Variants in ZFPM2 observed in about 807,000 individuals in gnomAD.
ZFPM2 encodes zinc finger protein, FOG family member 2, also known as zinc finger protein ZFPM2.
In ZFPM2, 20 loss-of-function variants were observed where a neutral mutation model predicts 98.6. The observed-to-expected ratio is 0.20, with a 90% confidence interval of 0.14 to 0.29. The LOEUF is 0.29. Among genes scored for constraint, ZFPM2 ranks in the 10% least tolerant of loss-of-function variants. ZFPM2 has a pLI of 1.00. For synonymous variants in ZFPM2, 518 were observed against 502.7 expected, an observed-to-expected ratio of 1.03 and a Z score of -0.41; for missense variants, 1,310 against 1,388.6, an observed-to-expected ratio of 0.94 and a Z score of 0.90.
chr8:105,386,802 A>G (rs1001593317), intron 1 of ZFPM2, among the ~76,000 whole-genome samples: 8 of 152,098 alleles, frequency 5.3e-5, no homozygotes, highest in Admixed American at 1.3e-4. Context: ...CAGGGTGCTG[A>G]TTGGTGTGTT....
intron 2 of ZFPM2, among the ~76,000 whole-genome samples, chr8:105,435,391 C>G (rs1812099940): frequency 6.6e-6 from 1 of 151,956 alleles, no homozygotes; most frequent in Admixed American, 6.6e-5. Flanking sequence ...TATGTTTGTG[C>G]TTTGCTGAAA....
intron 5 of ZFPM2, among the ~76,000 whole-genome samples, chr8:105,662,012 G>C (rs1203655307): frequency 6.6e-6 from 1 of 152,140 alleles, no homozygotes; most frequent in South Asian, 2.1e-4. Context: ...TGATACATCC[G>C]TGGATAAAAC....
chr8:105,512,822 T>C (rs1813843691), intron 3 of ZFPM2, among the ~76,000 whole-genome samples: 2 of 152,288 alleles, frequency 1.3e-5, no homozygotes, highest in South Asian at 2.1e-4. Flanking sequence ...ATAGGAAAGA[T>C]AGTACTTGGA....
At position 105,350,130 on chromosome 8, in the gene ZFPM2, T is replaced by A. The variant is rs116388840; in HGVS notation, c.40+31149T>A. On this transcript the variant is annotated intron_variant, in intron 1 of 7. Coordinates refer to ENST00000407775, the MANE Select transcript of ZFPM2 (RefSeq NM_012082.4). The stretch of plus-strand genomic sequence containing the variant: ...TGCAGGAGGAAAGGATAAAGAAAAA[T>A]ATTTTAAATTTGGCATTAGACTTCT... 9.4e-3 allele frequency among the ~76,000 whole-genome samples: 1,434 copies of A among 152,238 alleles called. 20 individuals carry two copies. The highest frequency in any genetic ancestry group is 0.033 in the African/African-American group (1,368 of 41,538).
intron 5 of ZFPM2, among the ~76,000 whole-genome samples, chr8:105,783,210 G>GTTTTTTTT (rs753557703): frequency 1.2e-4 from 11 of 88,916 alleles, no homozygotes; most frequent in Non-Finnish European, 1.7e-4. Context: ...TTTCTTTATG[G>GTTTTTTTT]TTTTTTTTTT....
chr8:105,598,472 A>T (rs1333471166), intron 4 of ZFPM2, among the ~76,000 whole-genome samples: 1 of 152,166 alleles, frequency 6.6e-6, no homozygotes, highest in Non-Finnish European at 1.5e-5. Context: ...GCTTTGCTTC[A>T]TCAAATTGTT....
intron 3 of ZFPM2, among the ~76,000 whole-genome samples, chr8:105,555,467 A>T (rs1421844434): frequency 6.6e-6 from 1 of 152,016 alleles, no homozygotes; most frequent in Non-Finnish European, 1.5e-5. Context: ...TGTCTCCAAA[A>T]ATCAACTTCA....
intron 1 of ZFPM2, among the ~76,000 whole-genome samples, chr8:105,399,395 A>G (rs1267189693): frequency 6.6e-6 from 1 of 152,138 alleles, no homozygotes; most frequent in Non-Finnish European, 1.5e-5. Flanking sequence ...AGGTTGGGTT[A>G]TGTTTCGGAG....
At chr8:105,330,522 T>TTCTCTC (rs146214596) in intron 1 of ZFPM2, among the ~76,000 whole-genome samples, 198 of 117,910 alleles carry the variant, frequency 1.7e-3, no homozygotes, top group African/African-American at 6.4e-3. Context: ...ACAAAACAAT[T>TTCTCTC]TCTCTCTCTC....
At chr8:105,684,823 A>T (rs534591146) in intron 5 of ZFPM2, 1 of 152,148 alleles carries the variant, frequency 6.6e-6, no homozygotes, top group African/African-American at 2.4e-5. Flanking sequence ...ACGTGGTAGG[A>T]CATTTTAATC....
chr8:105,520,619 G>T (rs1425860306), intron 3 of ZFPM2, among the ~76,000 whole-genome samples: 1 of 152,076 alleles, frequency 6.6e-6, no homozygotes, highest in East Asian at 1.9e-4. Context: ...ATAGGCACGT[G>T]CATAGGAGCA....
intron 4 of ZFPM2, among the ~76,000 whole-genome samples, chr8:105,590,717 GACAC>G (rs1369601746): frequency 6.6e-6 from 1 of 152,138 alleles, no homozygotes; most frequent in Non-Finnish European, 1.5e-5. Flanking sequence ...TATACGTATA[GACAC>G]ACATGCATGA....
intron 3 of ZFPM2, among the ~76,000 whole-genome samples, chr8:105,534,567 G>A (rs1478618655): frequency 6.6e-6 from 1 of 151,734 alleles, no homozygotes; most frequent in African/African-American, 2.4e-5. Flanking sequence ...ATTTTTCTGA[G>A]GGAAAGCTTA....
At chr8:105,500,439 G>A (rs140998817) in intron 3 of ZFPM2, among the ~76,000 whole-genome samples, 28 of 152,122 alleles carry the variant, frequency 1.8e-4, no homozygotes, top group African/African-American at 4.8e-4. Context: ...AACTAAATGA[G>A]GTGTCATTTC....
At chr8:105,517,350 C>T (rs1813945974) in intron 3 of ZFPM2, among the ~76,000 whole-genome samples, 1 of 152,084 alleles carries the variant, frequency 6.6e-6, no homozygotes, top group Non-Finnish European at 1.5e-5. Flanking sequence ...TCCTTGACAA[C>T]TTGATGATAT....
chr8:105,715,575 T>C (rs1811506138), intron 5 of ZFPM2, among the ~76,000 whole-genome samples: 2 of 152,166 alleles, frequency 1.3e-5, no homozygotes, highest in East Asian at 1.9e-4. Flanking sequence ...CAAATATGTA[T>C]ATTGTTTATA....
chr8:105,512,117 C>T (rs184137577), intron 3 of ZFPM2, among the ~76,000 whole-genome samples: 1 of 152,312 alleles, frequency 6.6e-6, no homozygotes, highest in East Asian at 1.9e-4. Context: ...TGCACTCCAA[C>T]CTGGGCCACA....
chr8:105,580,833 A>C (rs886750202), intron 4 of ZFPM2, among the ~76,000 whole-genome samples: 3 of 147,152 alleles, frequency 2.0e-5, no homozygotes, highest in Non-Finnish European at 4.5e-5. Flanking sequence ...CTCTCTATAT[A>C]TATATATATA....
Position 105,698,342 on chromosome 8 carries a change from C to T in ZFPM2, c.532+63985C>T, listed in dbSNP as rs149492289. ...GAGAAGGGGTATCATCCATGGTGAA[C>T]ACACTGGGCAAGTCACTGGGGACTG... is the stretch of plus-strand genomic sequence containing the variant. On this transcript the variant is annotated intron_variant, in intron 5 of 7. Transcript: ENST00000407775. 4.8e-3 allele frequency among the ~76,000 whole-genome samples: 732 copies of T among 152,254 alleles called. 11 individuals are homozygous for T. The highest frequency in any genetic ancestry group is 0.017 in the African/African-American group (706 of 41,546).
Sources: allele counts gnomAD v4.1 joint callset (sites outside exome capture counted in the v4.1 genomes callset), GRCh38; gene constraint gnomAD v4.1.1; transcripts MANE v1.5; gene names NCBI Gene and HGNC (gene_info 2026-07-23, HGNC 2026-07-21).